The following RAPGEF4 variants were observed in gnomAD, a reference collection of about 807,000 sequenced individuals.
RAPGEF4 encodes the protein Rap guanine nucleotide exchange factor 4.
RAPGEF4 carries 66 observed loss-of-function variants against 147.9 expected under a neutral mutation model. The ratio of observed to expected loss-of-function variants is 0.45; its 90% CI spans 0.37 to 0.55. The LOEUF is 0.55. Among genes scored for constraint, RAPGEF4 ranks in the 20% least tolerant of loss-of-function variants. RAPGEF4 has a pLI of 0.00. For synonymous variants in RAPGEF4, 419 were observed against 442.7 expected (o/e 0.95, Z 0.67); for missense variants, 1,071 against 1,257.3 (o/e 0.85, Z 2.24).
At chr2:172,848,340 C>A (rs1406541326) in intron 4 of RAPGEF4, among the ~76,000 whole-genome samples, 1 of 152,078 alleles carries the variant, frequency 6.6e-6, no homozygotes, top group Non-Finnish European at 1.5e-5. Context: ...CACACTAGAT[C>A]CCTTCTGTTG....
chr2:172,950,893 G>A (rs78211072), intron 6 of RAPGEF4, among the ~76,000 whole-genome samples: 2,345 of 152,344 alleles, frequency 0.015, 62 homozygotes, highest in African/African-American at 0.054. Flanking sequence ...TAAGGATTAT[G>A]AAGTTATGGA....
chr2:172,870,180 G>A (rs907831303), intron 4 of RAPGEF4, among the ~76,000 whole-genome samples: 3 of 152,112 alleles, frequency 2.0e-5, no homozygotes, highest in Non-Finnish European at 2.9e-5. Flanking sequence ...TGTCCCTGTT[G>A]CACTACTTTT....
At chr2:172,983,625 A>G in intron 11 of RAPGEF4, 45 bp downstream of exon 11, 2 of 1,607,262 alleles carry the variant, frequency 1.2e-6, no homozygotes, top group Non-Finnish European at 1.7e-6. Context: ...CTTTGCAATA[A>G]ATGCACTGTT....
chr2:172,958,938 T>C (rs909310263), intron 6 of RAPGEF4, among the ~76,000 whole-genome samples: 3 of 152,258 alleles, frequency 2.0e-5, no homozygotes, highest in Non-Finnish European at 4.4e-5. Context: ...TATGCATGTA[T>C]GTTTGTATTT....
chr2:172,818,033 C>T (rs562424002), intron 4 of RAPGEF4, among the ~76,000 whole-genome samples: 25 of 150,860 alleles, frequency 1.7e-4, no homozygotes, highest in African/African-American at 5.3e-4. Context: ...ATGGCATTCA[C>T]GGCAATCTGG....
rs1266112944 is a variant in RAPGEF4 at position 173,017,150 on chromosome 2, A to G, written c.1899-24A>G. 5 of 1,608,758 alleles carry G rather than the reference A, an allele frequency of 3.1e-6. No individual in the cohort carries two copies. In the East Asian group the frequency reaches 8.9e-5, roughly 29 times the overall value. On this transcript the variant is annotated intron_variant, in intron 19 of 30. Transcript: ENST00000397081. ...TTAATAGTAGCAATGGTATTAAATAATGTGCTTTCTCTACTTCTCGTAGCT... is the reference window on the plus strand; with the variant it reads ...TTAATAGTAGCAATGGTATTAAATAGTGTGCTTTCTCTACTTCTCGTAGCT...
intron 5 of RAPGEF4, among the ~76,000 whole-genome samples, chr2:172,921,782 G>C (rs1459316020): frequency 1.3e-5 from 2 of 152,244 alleles, no homozygotes; most frequent in Non-Finnish European, 2.9e-5. Context: ...GACTTGGCTT[G>C]GAGATAGCAG....
chr2:172,967,478 C>T, intron 10 of RAPGEF4, 34 bp downstream of exon 10: 1 of 1,590,508 alleles, frequency 6.3e-7, no homozygotes. Context: ...CCCTCCAGGT[C>T]CCAAGGCCGC....
intron 10 of RAPGEF4, among the ~76,000 whole-genome samples, chr2:172,979,992 G>A: frequency 6.6e-6 from 1 of 152,314 alleles, no homozygotes; most frequent in East Asian, 1.9e-4. Flanking sequence ...ACTCCAGCCT[G>A]GGCAAGAAAG....
intron 17 of RAPGEF4, among the ~76,000 whole-genome samples, chr2:173,007,216 A>G (rs1257422971): frequency 1.3e-5 from 2 of 152,240 alleles, no homozygotes; most frequent in African/African-American, 2.4e-5. Flanking sequence ...CTGCTGTGCT[A>G]TGAGTACAAG....
At chr2:172,966,887 G>C (rs1339099679) in intron 9 of RAPGEF4, among the ~76,000 whole-genome samples, 1 of 152,228 alleles carries the variant, frequency 6.6e-6, no homozygotes, top group East Asian at 1.9e-4. Context: ...ACTTTCCAAA[G>C]CTGTGACAGA....
chr2:172,769,184 G>A (rs901831907), intron 1 of RAPGEF4, among the ~76,000 whole-genome samples: 2 of 152,118 alleles, frequency 1.3e-5, no homozygotes, highest in Non-Finnish European at 2.9e-5. Context: ...CTTCCTTGAA[G>A]GTTTGATCTC....
At chr2:172,977,027 A>T (rs1296260333) in intron 10 of RAPGEF4, among the ~76,000 whole-genome samples, 1 of 152,230 alleles carries the variant, frequency 6.6e-6, no homozygotes, top group African/African-American at 2.4e-5. Context: ...GGGATGCCTA[A>T]TATCTCTCCC....
chr2:173,027,934 A>G (rs1452019550), intron 25 of RAPGEF4, among the ~76,000 whole-genome samples: 2 of 152,200 alleles, frequency 1.3e-5, no homozygotes, highest in Non-Finnish European at 2.9e-5. Context: ...GCTAAAAATA[A>G]AATGCTAAAT....
chr2:172,974,300 T>C (rs1690825472), intron 10 of RAPGEF4, among the ~76,000 whole-genome samples: 1 of 152,202 alleles, frequency 6.6e-6, no homozygotes, highest in African/African-American at 2.4e-5. Context: ...TACCATAACC[T>C]GCCATCGTCC....
intron 5 of RAPGEF4, among the ~76,000 whole-genome samples, chr2:172,918,593 G>T (rs1283288819): frequency 6.6e-6 from 1 of 152,098 alleles, no homozygotes; most frequent in Non-Finnish European, 1.5e-5. Context: ...TTTCTCTGTG[G>T]TATTCTTCTC....
At chr2:172,855,454 A>G (rs977774338) in intron 4 of RAPGEF4, among the ~76,000 whole-genome samples, 5 of 152,148 alleles carry the variant, frequency 3.3e-5, no homozygotes, top group Non-Finnish European at 7.4e-5. Context: ...AATATTTTTA[A>G]GTAATATTTT....
chr2:172,794,065 C>T (rs1035789755), intron 1 of RAPGEF4, among the ~76,000 whole-genome samples: 8 of 151,898 alleles, frequency 5.3e-5, no homozygotes, highest in African/African-American at 1.7e-4. Flanking sequence ...GAGGTCAAGG[C>T]TGCAGTGAGC....
At chr2:172,892,918 C>CAA (rs1698086139) in intron 4 of RAPGEF4, among the ~76,000 whole-genome samples, 1 of 152,226 alleles carries the variant, frequency 6.6e-6, no homozygotes, top group Non-Finnish European at 1.5e-5. Flanking sequence ...CCAACTGTGG[C>CAA]ATTCCTTGGG....
Sources: gnomAD v4.1 joint callset for allele counts (sites outside exome capture counted in the v4.1 genomes callset) on GRCh38, gnomAD v4.1.1 for gene constraint, MANE v1.5 for transcripts, NCBI Gene and HGNC (gene_info 2026-07-23, HGNC 2026-07-21) for gene names.